The following HCFC2 variants were observed in gnomAD, a reference collection of about 807,000 sequenced individuals.
HCFC2 encodes host cell factor 2.
HCFC2 carries 18 observed loss-of-function variants against 89.2 expected under a neutral mutation model. The observed-to-expected ratio is 0.20, with a 90% confidence interval of 0.14 to 0.30. The LOEUF (loss-of-function observed/expected upper bound fraction) is 0.30, where lower values mean the gene tolerates loss of function less well. HCFC2 is among the 10% of genes least tolerant of loss of function. The probability of loss-of-function intolerance (pLI) is 1.00; values close to 1 mark genes in which losing one functional copy is unlikely to be tolerated. For synonymous variants in HCFC2, 308 were observed against 335.7 expected, an observed-to-expected ratio of 0.92 and a Z score of 0.90; for missense variants, 578 against 956.1, an observed-to-expected ratio of 0.60 and a Z score of 5.21.
intron 3 of HCFC2, among the ~76,000 whole-genome samples, chr12:104,074,247 C>G (rs1007572283): frequency 3.3e-5 from 5 of 152,104 alleles, no homozygotes; most frequent in African/African-American, 1.2e-4. Context: ...CAGACAGTCC[C>G]CCTGCCTCAG....
intron 7 of HCFC2, among the ~76,000 whole-genome samples, chr12:104,083,667 A>C (rs1174527852): frequency 6.6e-6 from 1 of 152,198 alleles, no homozygotes; most frequent in East Asian, 1.9e-4. Flanking sequence ...GGTTATGGCA[A>C]TGCTGTACTA....
Position 104,085,700 on chromosome 12 carries a change from G to GT in HCFC2, c.1064-1136dup, listed in dbSNP as rs397977003. 1.8e-3 allele frequency among the ~76,000 whole-genome samples: 240 copies of GT among 136,730 alleles called. 2 individuals are homozygous for GT. Among genetic ancestry groups the GT allele is most frequent in the East Asian group, 9.4e-3 (44 of 4,668 alleles). The allele number at this position is 136,730 out of a possible 152,430, so 89.7% of individuals were successfully genotyped here. ...TTTGGTGGAAGAGGGGGCTCATCTT[G>GT]TTTTTTTTTTTCTTTTTTTCACTTT... On this transcript the variant is annotated intron_variant, in intron 7 of 14. Transcript: ENST00000229330.
chr12:104,074,464 T>C (rs1377805629), intron 3 of HCFC2, among the ~76,000 whole-genome samples: 1 of 152,208 alleles, frequency 6.6e-6, no homozygotes, highest in Non-Finnish European at 1.5e-5. Flanking sequence ...CTGGCCAAAA[T>C]GTTCTTAAAT....
intron 2 of HCFC2, 86 bp from the exon 3 acceptor site, chr12:104,067,861 T>A (rs1428254779): frequency 1.1e-5 from 14 of 1,226,042 alleles, no homozygotes; most frequent in Non-Finnish European, 1.5e-5. Flanking sequence ...TAGATTAAAA[T>A]GTATTGATAT....
At position 104,087,958 on chromosome 12, in the gene HCFC2, T is replaced by A. The variant is rs957881007; in HGVS notation, c.1232-28T>A. On this transcript the variant is annotated intron_variant, in intron 8 of 14. Coordinates refer to ENST00000229330, the MANE Select transcript of HCFC2 (RefSeq NM_013320.3). ...TTTATTGAAGCTAGTTAAGAGCATATCAGTCTGAACCTTTCTCATTCCTTC... is the reference window on the plus strand; with the variant it reads ...TTTATTGAAGCTAGTTAAGAGCATAACAGTCTGAACCTTTCTCATTCCTTC... 14 of 1,442,650 alleles carry A rather than the reference T, an allele frequency of 9.7e-6. No homozygotes were observed. The African/African-American group carries it at 1.9e-4, about 19-fold the overall frequency. 89.4% of individuals were successfully genotyped at this position (1,442,650 alleles called of 1,614,324 possible). A position where few individuals can be genotyped will look rare whatever the true frequency, so the allele number is the denominator to read the frequency against.
chr12:104,069,499 A>G (rs1267790807), intron 3 of HCFC2, among the ~76,000 whole-genome samples: 7 of 141,472 alleles, frequency 4.9e-5, no homozygotes, highest in Admixed American at 4.3e-4. Context: ...TTTATTCTCT[A>G]TTTCTATATG....
At chr12:104,082,370 C>T in intron 5 of HCFC2, 130 bp from the exon 6 acceptor site, 1 of 590,948 alleles carries the variant, frequency 1.7e-6, no homozygotes. Flanking sequence ...ATTACCTTGA[C>T]AATGGTAAGC....
rs1884090703 is a variant in HCFC2 at position 104,093,580 on chromosome 12, T to A, written c.1462+17T>A. On this transcript the variant is annotated intron_variant, in intron 10 of 14. Coordinates refer to ENST00000229330, the MANE Select transcript of HCFC2 (RefSeq NM_013320.3). ...AAAATGAAGGTATATGGATGACATT[T>A]TAAACTAAAGCTTTTTATAAAATCG... 6.3e-7 allele frequency: 1 copy of A among 1,575,218 alleles called. No individual in the cohort carries two copies. Among genetic ancestry groups the A allele is most frequent in the East Asian group, 2.2e-5 (1 of 44,484 alleles).
chr12:104,100,487 A>G (rs2029904154), intron 13 of HCFC2, among the ~76,000 whole-genome samples: 1 of 151,986 alleles, frequency 6.6e-6, no homozygotes, highest in East Asian at 1.9e-4. Context: ...AGGTGGGAGG[A>G]TCACTTGAGC....
intron 3 of HCFC2, among the ~76,000 whole-genome samples, chr12:104,074,992 C>T (rs1013364210): frequency 4.0e-5 from 6 of 151,748 alleles, no homozygotes; most frequent in African/African-American, 1.5e-4. Context: ...GGTTTTCAAC[C>T]TTTCATAATT....
intron 3 of HCFC2, among the ~76,000 whole-genome samples, chr12:104,077,312 G>A (rs1883527460): frequency 6.6e-6 from 1 of 151,118 alleles, no homozygotes. Context: ...ATGCGATCTC[G>A]GCTCACCGCA....
intron 7 of HCFC2, among the ~76,000 whole-genome samples, chr12:104,083,498 C>T (rs899053572): frequency 6.6e-6 from 1 of 151,972 alleles, no homozygotes; most frequent in African/African-American, 2.4e-5. Context: ...TGTTGTGTTC[C>T]GGATTGGATC....
At chr12:104,066,064 C>T in intron 1 of HCFC2, 103 bp from the exon 2 acceptor site, 2 of 1,135,588 alleles carry the variant, frequency 1.8e-6, no homozygotes, top group South Asian at 1.3e-5. Flanking sequence ...GGGGCAGAAT[C>T]ATCCCCAGTT....
In HCFC2 at chr12:104,098,495, A is replaced by G. The variant is rs752576267; in HGVS notation, c.1878+15A>G. The stretch of plus-strand genomic sequence containing the variant: ...GCATCTCAAAGGTAGCTATTGATAT[A>G]TTTTCTACATTGTAAATTATAAGCC... On this transcript the variant is annotated intron_variant, in intron 13 of 14. Transcript: ENST00000229330. 1 of 1,576,270 alleles carries G rather than the reference A, an allele frequency of 6.3e-7. No homozygotes were observed. Among genetic ancestry groups the G allele is most frequent in the Non-Finnish European group, 8.6e-7 (1 of 1,165,074 alleles).
At chr12:104,079,418 GTTT>G (rs1883614700) in intron 3 of HCFC2, 24 bp from the exon 4 acceptor site, 1 of 1,513,034 alleles carries the variant, frequency 6.6e-7, no homozygotes, top group South Asian at 1.2e-5. Context: ...TTATCTGAAT[GTTT>G]TAATTTTTTC....
chr12:104,071,464 G>T lies in HCFC2; in HGVS notation c.473+3357G>T, dbSNP rs1436845548. Among the ~76,000 whole-genome samples the T allele has an allele frequency of 3.3e-5, 5 of 152,368 alleles. No individual in the cohort carries two copies. In the South Asian group the frequency reaches 1.0e-3, roughly 32 times the overall value. The stretch of plus-strand genomic sequence containing the variant: ...ATTCATTTCTGGTCACATTCCATTG[G>T]TCAAACCAGCCATATGGCCAAGGCC... On this transcript the variant is annotated intron_variant, in intron 3 of 14. Coordinates refer to ENST00000229330, the MANE Select transcript of HCFC2 (RefSeq NM_013320.3).
chr12:104,065,971 C>A (rs1324091120), intron 1 of HCFC2, among the ~76,000 whole-genome samples, 196 bp from the exon 2 acceptor site: 1 of 151,978 alleles, frequency 6.6e-6, no homozygotes, highest in East Asian at 1.9e-4. Context: ...AGCATCCCTG[C>A]CTCTACCTAC....
At chr12:104,101,913 A>T (rs115465353) in intron 13 of HCFC2, 55 bp from the exon 14 acceptor site, 3 of 1,129,476 alleles carry the variant, frequency 2.7e-6, no homozygotes, top group African/African-American at 3.2e-5. Flanking sequence ...AATTTTTAAA[A>T]TTTTAATATA....
intron 7 of HCFC2, among the ~76,000 whole-genome samples, chr12:104,086,391 G>T (rs1375200559): frequency 6.6e-6 from 1 of 151,940 alleles, no homozygotes; most frequent in East Asian, 1.9e-4. Context: ...GCTGAAAATT[G>T]GCTCATAAAA....
Sources: allele counts gnomAD v4.1 joint callset (sites outside exome capture counted in the v4.1 genomes callset), GRCh38; gene constraint gnomAD v4.1.1; transcripts MANE v1.5; gene names NCBI Gene and HGNC (gene_info 2026-07-23, HGNC 2026-07-21).